Variants in SLCO1A2 observed in about 807,000 individuals in gnomAD.
SLCO1A2 encodes solute carrier organic anion transporter family member 1A2, also known as OATP-1.
SLCO1A2 carries 67 observed loss-of-function variants against 69.0 expected under a neutral mutation model. The ratio of observed to expected loss-of-function variants is 0.97; its 90% CI spans 0.80 to 1.19. The LOEUF is 1.19. Ranked by LOEUF, SLCO1A2 falls within the 50% of genes most tolerant of loss-of-function variation. The pLI, the probability that SLCO1A2 is intolerant of heterozygous loss-of-function variation, is 0.00. For synonymous variants in SLCO1A2, 260 were observed against 265.9 expected (o/e 0.98, Z 0.22); for missense variants, 787 against 793.7 (o/e 0.99, Z 0.10).
chr12:21,319,675 C>T, intron 2 of SLCO1A2: 1 of 340,722 alleles, frequency 2.9e-6, no homozygotes, highest in Non-Finnish European at 5.8e-6. Flanking sequence ...GGACCATTGG[C>T]TTCTGTTTAT....
At chr12:21,385,703 T>C (rs1565526346) in intron 1 of SLCO1A2, among the ~76,000 whole-genome samples, 2 of 152,212 alleles carry the variant, frequency 1.3e-5, no homozygotes, top group South Asian at 2.1e-4. Flanking sequence ...GTGATAAGGA[T>C]TTAAAGCATC....
intron 1 of SLCO1A2, chr12:21,378,385 G>C: frequency 1.2e-6 from 2 of 1,614,164 alleles, no homozygotes; most frequent in Non-Finnish European, 1.7e-6. Flanking sequence ...GAATGCAGTA[G>C]AGGTTTTAAA....
chr12:21,341,258 T>C (rs1204099388), intron 2 of SLCO1A2, among the ~76,000 whole-genome samples: 3 of 151,994 alleles, frequency 2.0e-5, no homozygotes, highest in Non-Finnish European at 4.4e-5. Flanking sequence ...GATAAAACAC[T>C]GGAGGACCTA....
intron 2 of SLCO1A2, among the ~76,000 whole-genome samples, chr12:21,330,686 C>A (rs552587742): frequency 6.6e-6 from 1 of 152,046 alleles, no homozygotes; most frequent in Non-Finnish European, 1.5e-5. Flanking sequence ...ATTTTAAAGT[C>A]CTTGCATTAA....
chr12:21,355,601 C>G (rs1938305369), intron 2 of SLCO1A2, among the ~76,000 whole-genome samples: 1 of 152,022 alleles, frequency 6.6e-6, no homozygotes, highest in Admixed American at 6.6e-5. Context: ...TAAAGTGATC[C>G]TAGATGTTAG....
In SLCO1A2 at chr12:21,334,729, AT is replaced by A. The variant is rs1362690077; in HGVS notation, c.-62-21del. On this transcript the variant is annotated intron_variant, in intron 1 of 14. Coordinates refer to ENST00000683939, the MANE Select transcript of SLCO1A2 (RefSeq NM_001386879.1). ...TCTACCCTTTCAAGCAAACAAAAAA[AT>A]ATGTTAAATTAACTACAAAATTGTA... The A allele has an allele frequency of 9.2e-6, 10 of 1,088,486 alleles. No homozygotes were observed. The highest frequency in any genetic ancestry group is 7.3e-5 in the Admixed American group (3 of 41,342). The allele number at this position is 1,088,486 out of a possible 1,614,324, so 67.4% of individuals were successfully genotyped here.
upstream of SLCO1A2, among the ~76,000 whole-genome samples, chr12:21,395,989 G>A (rs1444631958): frequency 2.0e-5 from 3 of 151,146 alleles, no homozygotes; most frequent in Non-Finnish European, 4.4e-5. Context: ...AAGGAACGCA[G>A]TTCCTCACCA....
At chr12:21,352,782 G>A (rs1938062415) in intron 2 of SLCO1A2, among the ~76,000 whole-genome samples, 1 of 152,162 alleles carries the variant, frequency 6.6e-6, no homozygotes, top group African/African-American at 2.4e-5. Flanking sequence ...TGCTTTACAT[G>A]TTTGTTTAGT....
intron 1 of SLCO1A2, among the ~76,000 whole-genome samples, chr12:21,380,837 C>T (rs1299817579): frequency 6.6e-6 from 1 of 152,064 alleles, no homozygotes; most frequent in African/African-American, 2.4e-5. Context: ...CAACCATGAG[C>T]AGGGAAGAGA....
chr12:21,320,403 C>T (rs1032387147), intron 2 of SLCO1A2, among the ~76,000 whole-genome samples: 5 of 152,126 alleles, frequency 3.3e-5, no homozygotes, highest in Non-Finnish European at 7.3e-5. Flanking sequence ...CATAAAATCC[C>T]TCCAATCTTG....
rs183136987 is a variant in SLCO1A2 at position 21,377,456 on chromosome 12, G to A, written c.-189-2931C>T. ...ACCCTTTTAACAAATTTTTAAGCAT[G>A]CAATACATTATTCTGGATTATGTGC... is the stretch of plus-strand genomic sequence containing the variant. On this transcript the variant is annotated intron_variant, in intron 1 of 15. Transcript: ENST00000307378. Among the ~76,000 whole-genome samples the A allele has an allele frequency of 3.9e-4, 59 of 152,162 alleles. 1 individual carries two copies. The East Asian group carries it at 7.5e-3, about 19-fold the overall frequency.
At chr12:21,405,704 A>T (rs1178360734) in intron 1 of SLCO1A2, among the ~76,000 whole-genome samples, 3 of 152,220 alleles carry the variant, frequency 2.0e-5, no homozygotes, top group Non-Finnish European at 1.5e-5. Flanking sequence ...CTGGCTAGCC[A>T]TATGCAGAAA....
chr12:21,278,162 C>T (rs945730565), intron 12 of SLCO1A2, among the ~76,000 whole-genome samples: 1 of 151,984 alleles, frequency 6.6e-6, no homozygotes, highest in African/African-American at 2.4e-5. Context: ...GCTCCTCTGA[C>T]TTTGGAAAGG....
rs374209906 is a variant in SLCO1A2 at position 21,290,880 on chromosome 12, AGACT to A, written c.1610+1280_1610+1283del. On this transcript the variant is annotated intron_variant, in intron 12 of 14. Coordinates refer to ENST00000683939, the MANE Select transcript of SLCO1A2 (RefSeq NM_001386879.1). ...CTGTAAAAGTTAAAAGAAAGAAGAC[AGACT>A]AAGTGAAGATAATTGTATCATATAA... Among the ~76,000 whole-genome samples, 422 of 152,302 alleles carry A rather than the reference AGACT, an allele frequency of 2.8e-3. 1 individual carries two copies. Among genetic ancestry groups the A allele is most frequent in the Middle Eastern group, 0.014 (4 of 294 alleles).
At chr12:21,403,997 C>G (rs754518861) in intron 1 of SLCO1A2, among the ~76,000 whole-genome samples, 1 of 151,950 alleles carries the variant, frequency 6.6e-6, no homozygotes, top group African/African-American at 2.4e-5. Context: ...GACACCAAAA[C>G]GGGAATAAGC....
intron 1 of SLCO1A2, among the ~76,000 whole-genome samples, chr12:21,387,975 T>C (rs1940968708): frequency 6.6e-6 from 1 of 152,202 alleles, no homozygotes; most frequent in Non-Finnish European, 1.5e-5. Context: ...TCAAAGGAGA[T>C]CATTTTGGAA....
chr12:21,349,756 G>A lies in SLCO1A2; in HGVS notation c.-62-15047C>T, dbSNP rs570070823. ...CAGTCCAGAAAGATTTTACTTCTGT[G>A]CCTCCCTGCATTGCCCTCCTTTCCC... On this transcript the variant is annotated intron_variant, in intron 2 of 15. Transcript: ENST00000307378. 2.6e-5 allele frequency among the ~76,000 whole-genome samples: 4 copies of A among 152,204 alleles called. No homozygotes were observed. The East Asian group carries it at 7.7e-4, about 29-fold the overall frequency.
At chr12:21,419,189 T>G (rs1187260422), upstream of SLCO1A2, 1 of 152,788 alleles carries the variant, frequency 6.5e-6, no homozygotes, top group African/African-American at 2.4e-5. Flanking sequence ...GGACAGGAAA[T>G]TTTTTGGTTA....
Position 21,374,921 on chromosome 12 carries a change from C to T in SLCO1A2, c.-189-396G>A, listed in dbSNP as rs150986190. Reference sequence around the variant, plus strand: ...CTTGACATTCTAGGCTCAGGTGATCCTCCCACCTCAGCCTCCCAAGTAGCT... The same window carrying T: ...CTTGACATTCTAGGCTCAGGTGATCTTCCCACCTCAGCCTCCCAAGTAGCT... On this transcript the variant is annotated intron_variant, in intron 1 of 15. Coordinates refer to the SLCO1A2 transcript ENST00000307378. Among the ~76,000 whole-genome samples, 11 of 152,072 alleles carry T rather than the reference C, an allele frequency of 7.2e-5. 1 individual carries two copies. The highest frequency in any genetic ancestry group is 2.7e-4 in the African/African-American group (11 of 41,464).
Sources: gnomAD v4.1 joint callset for allele counts (sites outside exome capture counted in the v4.1 genomes callset) on GRCh38, gnomAD v4.1.1 for gene constraint, MANE v1.5 for transcripts, NCBI Gene and HGNC (gene_info 2026-07-23, HGNC 2026-07-21) for gene names.